The following EYA1 variants were observed in gnomAD, a reference collection of about 807,000 sequenced individuals.
EYA1 encodes protein phosphatase EYA1.
EYA1 carries 16 observed loss-of-function variants against 82.0 expected under a neutral mutation model. The ratio of observed to expected loss-of-function variants is 0.20; its 90% CI spans 0.13 to 0.30. EYA1 has a LOEUF of 0.30. EYA1 is among the 10% of genes least tolerant of loss of function. The pLI, the probability that EYA1 is intolerant of heterozygous loss-of-function variation, is 1.00. For synonymous variants in EYA1, 261 were observed against 264.4 expected (o/e 0.99, Z 0.12); for missense variants, 633 against 730.7 (o/e 0.87, Z 1.54).
chr8:71,436,587 C>T (rs1039748536), intron 2 of EYA1, among the ~76,000 whole-genome samples: 6 of 152,106 alleles, frequency 3.9e-5, no homozygotes, highest in South Asian at 4.1e-4. Flanking sequence ...CAGCGGACTG[C>T]GCCTCTCCGC....
At position 71,294,446 on chromosome 8, in the gene EYA1, G is replaced by A. The variant is rs1363826716; in HGVS notation, c.826+4601C>T. 7.0e-5 allele frequency among the ~76,000 whole-genome samples: 10 copies of A among 142,838 alleles called. No homozygotes were observed. In the East Asian group the frequency reaches 2.0e-3, roughly 28 times the overall value. 93.7% of individuals were successfully genotyped at this position (142,838 alleles called of 152,430 possible). A position where few individuals can be genotyped will look rare whatever the true frequency, so the allele number is the denominator to read the frequency against. Reference sequence around the variant, plus strand: ...CGCCCTCCAGCCTGGGCGACAAGGAGACTCCGTCTCAAAAAACAAACAAAC... The same window carrying A: ...CGCCCTCCAGCCTGGGCGACAAGGAAACTCCGTCTCAAAAAACAAACAAAC... On this transcript the variant is annotated intron_variant, in intron 9 of 17. Transcript: ENST00000340726.
At chr8:71,503,937 TC>T (rs1405243435) in intron 2 of EYA1, among the ~76,000 whole-genome samples, 1 of 152,010 alleles carries the variant, frequency 6.6e-6, no homozygotes, top group Non-Finnish European at 1.5e-5. Flanking sequence ...GTGATGTGAG[TC>T]GCTGGAATGG....
chr8:71,210,510 A>G (rs1377153890), intron 17 of EYA1, among the ~76,000 whole-genome samples: 1 of 152,200 alleles, frequency 6.6e-6, no homozygotes, highest in Non-Finnish European at 1.5e-5. Context: ...GCTTTTAAAA[A>G]TGCAATGAGA....
In EYA1 at chr8:71,395,648, G is replaced by C. The variant is rs571777912; in HGVS notation, c.34-39137C>G. Among the ~76,000 whole-genome samples, 94 of 152,234 alleles carry C rather than the reference G, an allele frequency of 6.2e-4. 1 individual carries two copies. Among genetic ancestry groups the C allele is most frequent in the African/African-American group, 2.2e-3 (91 of 41,540 alleles). On this transcript the variant is annotated intron_variant, in intron 2 of 18. Transcript: ENST00000643681. ...TGCATCCCAGGGATGAAGCCCATTTGATCACGGTGGATAAGCTTTTTGATG... is the reference window on the plus strand; with the variant it reads ...TGCATCCCAGGGATGAAGCCCATTTCATCACGGTGGATAAGCTTTTTGATG...
intron 2 of EYA1, among the ~76,000 whole-genome samples, chr8:71,408,685 T>C (rs2129137597): frequency 8.5e-6 from 1 of 117,984 alleles, no homozygotes; most frequent in South Asian, 3.1e-4. Context: ...ATCCTAAATA[T>C]ATATGCACCC....
chr8:71,304,290 C>T lies in EYA1; in HGVS notation c.557-4570G>A, dbSNP rs941566940. 7.7e-5 allele frequency among the ~76,000 whole-genome samples: 11 copies of T among 142,400 alleles called. 1 individual carries two copies. Among genetic ancestry groups the T allele is most frequent in the East Asian group, 6.2e-4 (3 of 4,820 alleles). 93.4% of individuals were successfully genotyped at this position (142,400 alleles called of 152,430 possible). The stretch of plus-strand genomic sequence containing the variant: ...GATGCTGTTACATCCCGTTTATAGA[C>T]GAAGAAACTGCCAGAGGTAATAAGC... On this transcript the variant is annotated intron_variant, in intron 7 of 17. Coordinates refer to ENST00000340726, the MANE Select transcript of EYA1 (RefSeq NM_000503.6).
At position 71,299,657 on chromosome 8, in the gene EYA1, C is replaced by T. The variant is rs1819982810; in HGVS notation, c.620G>A (p.Gly207Glu). Residue 207 changes from glycine (G) to glutamate (E), a missense_variant, in exon 8 of 18, where the codon GGA (glycine) becomes GAA (glutamate). By Grantham distance (98) the Gly-to-Glu change is moderately conservative. Coordinates refer to ENST00000340726, the MANE Select transcript of EYA1 (RefSeq NM_000503.6). ...AATTACCTGCTGTGAACTATTAAAT[C>T]CAGAGGAATTTGTGAGTGAATTATT... The part of the protein sequence containing the change: ...TGNNSLTNSS[G>E]FNSSQQDYPS... 2 of 1,589,240 alleles carry T rather than the reference C, an allele frequency of 1.3e-6. No individual in the cohort carries two copies. Among genetic ancestry groups the T allele is most frequent in the Non-Finnish European group, 1.7e-6 (2 of 1,158,324 alleles).
At chr8:71,254,727 A>G (rs1363354977) in intron 11 of EYA1, among the ~76,000 whole-genome samples, 1 of 152,186 alleles carries the variant, frequency 6.6e-6, no homozygotes, top group Non-Finnish European at 1.5e-5. Context: ...AGCCAGAAGT[A>G]TTAGGCAAGA....
chr8:71,537,742 G>T (rs1003227928), intron 1 of EYA1, among the ~76,000 whole-genome samples: 1 of 152,040 alleles, frequency 6.6e-6, no homozygotes, highest in Non-Finnish European at 1.5e-5. Context: ...CTGTATATTT[G>T]ATATTCCAGG....
chr8:71,516,063 C>T (rs1812954851), intron 2 of EYA1, among the ~76,000 whole-genome samples: 1 of 152,088 alleles, frequency 6.6e-6, no homozygotes, highest in South Asian at 2.1e-4. Context: ...CTCAAGTTGG[C>T]CTTTGACAGT....
intron 4 of EYA1, among the ~76,000 whole-genome samples, 175 bp downstream of exon 4, chr8:71,333,922 A>C (rs1174343967): frequency 6.6e-6 from 1 of 152,204 alleles, no homozygotes; most frequent in African/African-American, 2.4e-5. Flanking sequence ...ATAAAAACAG[A>C]ATTGGTAATA....
intron 6 of EYA1, among the ~76,000 whole-genome samples, chr8:71,320,089 T>C (rs142708321): frequency 2.6e-5 from 4 of 152,274 alleles, no homozygotes; most frequent in Non-Finnish European, 5.9e-5. Context: ...TATTCCCAGA[T>C]CTTTTGCTCA....
intron 2 of EYA1, among the ~76,000 whole-genome samples, chr8:71,527,744 T>G (rs1210467338): frequency 6.6e-6 from 1 of 152,214 alleles, no homozygotes; most frequent in Non-Finnish European, 1.5e-5. Flanking sequence ...TTTATCTACA[T>G]GCATTAACAT....
Position 71,331,451 on chromosome 8 carries a change from G to A in EYA1, c.202+2646C>T, listed in dbSNP as rs1012533724. Among the ~76,000 whole-genome samples, 57 of 148,948 alleles carry A rather than the reference G, an allele frequency of 3.8e-4. 1 individual carries two copies. The highest frequency in any genetic ancestry group is 1.4e-3 in the African/African-American group (55 of 40,676). On this transcript the variant is annotated intron_variant, in intron 4 of 17. Transcript: ENST00000340726. ...CTTTGTAGCACATGATTTTTAACTTGGACTTTAAAAGTATTACTTTTTAAA... is the reference window on the plus strand; with the variant it reads ...CTTTGTAGCACATGATTTTTAACTTAGACTTTAAAAGTATTACTTTTTAAA...
intron 2 of EYA1, among the ~76,000 whole-genome samples, chr8:71,393,821 G>A (rs945071634): frequency 6.6e-6 from 1 of 152,164 alleles, no homozygotes; most frequent in Non-Finnish European, 1.5e-5. Context: ...TAATGGGATG[G>A]CTGGGTCAAA....
intron 12 of EYA1, among the ~76,000 whole-genome samples, chr8:71,236,452 T>A (rs2128890836): frequency 6.6e-6 from 1 of 152,344 alleles, no homozygotes; most frequent in African/African-American, 2.4e-5. Context: ...ATACCTTCCC[T>A]ATATACAATA....
At chr8:71,356,561 G>A in intron 1 of EYA1, 50 bp from the exon 2 acceptor site, 2 of 1,545,016 alleles carry the variant, frequency 1.3e-6, no homozygotes, top group Admixed American at 2.0e-5. Flanking sequence ...CTGCTTCAGT[G>A]TCAGCTCTTA....
At chr8:71,367,330 C>T (rs1827815779) in intron 2 of EYA1, among the ~76,000 whole-genome samples, 1 of 151,962 alleles carries the variant, frequency 6.6e-6, no homozygotes, top group Non-Finnish European at 1.5e-5. Context: ...ATCATAAACA[C>T]TTGATTTATT....
At chr8:71,471,767 G>A (rs552640882) in intron 2 of EYA1, among the ~76,000 whole-genome samples, 31 of 152,254 alleles carry the variant, frequency 2.0e-4, no homozygotes, top group African/African-American at 7.2e-4. Context: ...GATGGGAGAA[G>A]AGGATGTTAT....
Sources: allele counts gnomAD v4.1 joint callset (sites outside exome capture counted in the v4.1 genomes callset), GRCh38; gene constraint gnomAD v4.1.1; transcripts MANE v1.5; gene names NCBI Gene and HGNC (gene_info 2026-07-23, HGNC 2026-07-21).